Variants in SEMA6D observed in about 807,000 individuals in gnomAD.
The protein encoded by SEMA6D is semaphorin 6D, also known as semaphorin-6D.
Under a neutral mutation model 106.6 loss-of-function variants are expected in SEMA6D, and 35 were observed. That is an observed-to-expected ratio of 0.33 (90% confidence interval 0.25 to 0.44). The LOEUF (loss-of-function observed/expected upper bound fraction) is 0.44. Among genes scored for constraint, SEMA6D ranks in the 20% least tolerant of loss-of-function variants. The probability of loss-of-function intolerance (pLI) is 1.00; values close to 1 mark genes in which losing one functional copy is unlikely to be tolerated. For missense variants in SEMA6D, 1,185 were observed against 1,345.9 expected (o/e 0.88, Z 1.87); for synonymous variants, 499 against 487.7 (o/e 1.02, Z -0.31).
chr15:47,311,954 T>G (rs548266682), intron 1 of SEMA6D, among the ~76,000 whole-genome samples: 98 of 152,306 alleles, frequency 6.4e-4, no homozygotes, highest in African/African-American at 2.2e-3. Context: ...CTTTCCAGTT[T>G]GCCATCTTCA....
At chr15:47,341,896 C>T (rs1821168486) in intron 1 of SEMA6D, among the ~76,000 whole-genome samples, 1 of 152,008 alleles carries the variant, frequency 6.6e-6, no homozygotes, top group African/African-American at 2.4e-5. Flanking sequence ...CTTTCACCTG[C>T]AGATCTGAGA....
At chr15:47,587,944 A>G (rs1298380118) in intron 3 of SEMA6D, among the ~76,000 whole-genome samples, 1 of 152,178 alleles carries the variant, frequency 6.6e-6, no homozygotes, top group Non-Finnish European at 1.5e-5. Context: ...TGATTTACTC[A>G]GACAGTTGCC....
At chr15:47,394,805 C>T (rs143353918) in intron 1 of SEMA6D, among the ~76,000 whole-genome samples, 51 of 152,242 alleles carry the variant, frequency 3.3e-4, no homozygotes, top group African/African-American at 1.0e-3. Flanking sequence ...GACCGCCACA[C>T]GTGCAAATTA....
intron 1 of SEMA6D, among the ~76,000 whole-genome samples, chr15:47,406,318 A>G (rs1232356071): frequency 6.6e-6 from 1 of 152,128 alleles, no homozygotes; most frequent in Non-Finnish European, 1.5e-5. Flanking sequence ...AATGGAGGAA[A>G]AGGTTCGACT....
chr15:47,283,739 C>CTTCTTATATGTG (rs2035236853), intron 1 of SEMA6D, among the ~76,000 whole-genome samples: 1 of 152,134 alleles, frequency 6.6e-6, no homozygotes, highest in Admixed American at 6.5e-5. Context: ...CAGCTTAACA[C>CTTCTTATATGTG]TTCTTATATG....
At position 47,771,901 on chromosome 15, in the gene SEMA6D, C is replaced by A; in HGVS notation, c.*116C>A. ...TTGTATTTTAAGAGAACCAAGTGGC[C>A]AAAGAAACTCTTTCTAACTTTGGCA... On this transcript the variant is annotated 3_prime_UTR_variant, in exon 19 of 19. Coordinates refer to ENST00000536845, the MANE Select transcript of SEMA6D (RefSeq NM_001358351.3). 4 of 1,112,384 alleles carry A rather than the reference C, an allele frequency of 3.6e-6. No individual in the cohort carries two copies. The highest frequency in any genetic ancestry group is 1.6e-5 in the South Asian group (1 of 63,580). The allele number at this position is 1,112,384 out of a possible 1,614,324, so 68.9% of individuals were successfully genotyped here.
intron 1 of SEMA6D, among the ~76,000 whole-genome samples, chr15:47,273,589 C>T (rs939529605): frequency 6.6e-6 from 1 of 152,130 alleles, no homozygotes; most frequent in Non-Finnish European, 1.5e-5. Flanking sequence ...CTATCCTTAG[C>T]CGGAAAATAT....
At chr15:47,713,656 C>T (rs1235869785), upstream of SEMA6D, among the ~76,000 whole-genome samples, 2 of 152,158 alleles carry the variant, frequency 1.3e-5, no homozygotes, top group Non-Finnish European at 2.9e-5. Context: ...AATTTCAATA[C>T]CTCTTTTTAT....
chr15:47,502,268 C>T (rs2043874670), intron 3 of SEMA6D, among the ~76,000 whole-genome samples: 1 of 152,152 alleles, frequency 6.6e-6, no homozygotes. Context: ...TGATGGGACC[C>T]ATCTCTCTAC....
chr15:47,542,370 C>A (rs1359678339), intron 3 of SEMA6D, among the ~76,000 whole-genome samples: 1 of 152,146 alleles, frequency 6.6e-6, no homozygotes, highest in Non-Finnish European at 1.5e-5. Context: ...CTTAGGATCT[C>A]CATTATGCTA....
At chr15:47,404,159 C>G (rs1193521821) in intron 1 of SEMA6D, among the ~76,000 whole-genome samples, 1 of 152,022 alleles carries the variant, frequency 6.6e-6, no homozygotes, top group Non-Finnish European at 1.5e-5. Flanking sequence ...TGGAAAATCA[C>G]CTTAAATTAT....
intron 4 of SEMA6D, among the ~76,000 whole-genome samples, chr15:47,712,048 G>T (rs2079033241): frequency 1.3e-5 from 2 of 152,188 alleles, no homozygotes; most frequent in South Asian, 4.1e-4. Flanking sequence ...TGCATGGTGT[G>T]AAATAGGTCT....
In SEMA6D at chr15:47,759,793, C is replaced by T. The variant is rs2081964243; in HGVS notation, c.-6C>T. 1.2e-6 allele frequency: 2 copies of T among 1,611,316 alleles called. No homozygotes were observed. The highest frequency in any genetic ancestry group is 2.2e-5 in the East Asian group (1 of 44,866). On this transcript the variant is annotated 5_prime_UTR_variant, in exon 2 of 19. Transcript: ENST00000536845. ...AGGGGCCACCCTGACTTCACCTTGGCCCACCATGAGGGTCTTCCTGCTTTG... is the reference window on the plus strand; with the variant it reads ...AGGGGCCACCCTGACTTCACCTTGGTCCACCATGAGGGTCTTCCTGCTTTG...
At chr15:47,719,339 G>A (rs1173514556) in intron 1 of SEMA6D, among the ~76,000 whole-genome samples, 2 of 152,160 alleles carry the variant, frequency 1.3e-5, no homozygotes, top group African/African-American at 4.8e-5. Context: ...TAGATATATA[G>A]ACTTCGTCAA....
chr15:47,260,841 T>C (rs2034039549), intron 1 of SEMA6D, among the ~76,000 whole-genome samples: 1 of 152,140 alleles, frequency 6.6e-6, no homozygotes, highest in Non-Finnish European at 1.5e-5. Context: ...TTGCTAGTGG[T>C]GCCAGTCTCA....
Position 47,759,787 on chromosome 15 carries a change from C to T in SEMA6D, c.-12C>T. On this transcript the variant is annotated 5_prime_UTR_variant, in exon 2 of 19. Coordinates refer to ENST00000536845, the MANE Select transcript of SEMA6D (RefSeq NM_001358351.3). ...CTGAGCAGGGGCCACCCTGACTTCACCTTGGCCCACCATGAGGGTCTTCCT... is the reference window on the plus strand; with the variant it reads ...CTGAGCAGGGGCCACCCTGACTTCATCTTGGCCCACCATGAGGGTCTTCCT... 3 of 1,607,328 alleles carry T rather than the reference C, an allele frequency of 1.9e-6. No individual in the cohort carries two copies. The highest frequency in any genetic ancestry group is 2.6e-6 in the Non-Finnish European group (3 of 1,173,848).
At chr15:47,343,445 C>G (rs2037910831) in intron 1 of SEMA6D, among the ~76,000 whole-genome samples, 2 of 151,478 alleles carry the variant, frequency 1.3e-5, no homozygotes, top group South Asian at 4.2e-4. Context: ...TGTGATGTTC[C>G]CCTTCCTGTG....
At chr15:47,316,102 C>CTTT (rs67090828) in intron 1 of SEMA6D, among the ~76,000 whole-genome samples, 2 of 81,484 alleles carry the variant, frequency 2.5e-5, no homozygotes, top group African/African-American at 6.4e-5. Flanking sequence ...CATTTATTTC[C>CTTT]TTTTTTTTGA....
intron 1 of SEMA6D, among the ~76,000 whole-genome samples, chr15:47,229,671 A>T (rs2032051988): frequency 6.6e-6 from 1 of 152,122 alleles, no homozygotes; most frequent in Admixed American, 6.6e-5. Context: ...GACTAGCTGA[A>T]GTCATATTTG....
Sources: gnomAD v4.1 joint callset for allele counts (sites outside exome capture counted in the v4.1 genomes callset) on GRCh38, gnomAD v4.1.1 for gene constraint, MANE v1.5 for transcripts, NCBI Gene and HGNC (gene_info 2026-07-23, HGNC 2026-07-21) for gene names.